The following SART3 variants were observed in gnomAD, a reference collection of about 807,000 sequenced individuals.
The protein encoded by SART3 is spliceosome associated factor 3, U4/U6 recycling protein, also known as HIV-1 Tat-interacting protein of 110kDa.
SART3 carries 44 observed loss-of-function variants against 122.3 expected under a neutral mutation model. The observed-to-expected ratio is 0.36, with a 90% CI of 0.28 to 0.46. The LOEUF (loss-of-function observed/expected upper bound fraction) is 0.46. Among genes scored for constraint, SART3 ranks in the 20% least tolerant of loss-of-function variants. The pLI, the probability that SART3 is intolerant of heterozygous loss-of-function variation, is 1.00. For missense variants in SART3, 1,101 were observed against 1,229.0 expected (o/e 0.90, Z 1.56); for synonymous variants, 442 against 454.0 (o/e 0.97, Z 0.34).
intron 1 of SART3, 36 bp downstream of exon 1, chr12:108,560,807 G>A (rs759113501): frequency 1.3e-6 from 2 of 1,557,162 alleles, no homozygotes; most frequent in Non-Finnish European, 1.7e-6. Flanking sequence ...GGACCTGAAA[G>A]ACTGGAAGAT....
intron 15 of SART3, 79 bp downstream of exon 15, chr12:108,530,063 A>G: frequency 6.6e-7 from 1 of 1,520,690 alleles, no homozygotes; most frequent in Non-Finnish European, 9.1e-7. Context: ...CGGTTCAGGG[A>G]AGAAAGTTCT....
intron 12 of SART3, among the ~76,000 whole-genome samples, chr12:108,534,965 T>TA (rs1872839454): frequency 6.6e-6 from 1 of 152,206 alleles, no homozygotes; most frequent in African/African-American, 2.4e-5. Flanking sequence ...CAAAAAAATT[T>TA]AAACATAGAA....
At chr12:108,542,402 C>A (rs1000165363) in intron 6 of SART3, among the ~76,000 whole-genome samples, 2 of 152,170 alleles carry the variant, frequency 1.3e-5, no homozygotes, top group African/African-American at 4.8e-5. Context: ...TTCCTAAGTA[C>A]GTATTCTAGA....
chr12:108,529,303 GCACACA>G (rs140994738), intron 15 of SART3, among the ~76,000 whole-genome samples: 4 of 150,832 alleles, frequency 2.7e-5, no homozygotes, highest in Non-Finnish European at 4.4e-5. Flanking sequence ...ACACGCACAC[GCACACA>G]CACACACACT....
At position 108,536,748 on chromosome 12, in the gene SART3, A is replaced by T. The variant is rs754775627; in HGVS notation, c.1347T>A (p.Phe449Leu). The T allele has an allele frequency of 6.2e-7, 1 of 1,613,916 alleles. No homozygotes were observed. Among genetic ancestry groups the T allele is most frequent in the South Asian group, 1.1e-5 (1 of 91,078 alleles). The part of the protein sequence containing the change: ...SKELEELRAA[F>L]TRALEYLKQE... ...GCTTCAGATACTCCAAGGCACGAGT[A>T]AAGGCGGCCCTCAACTCCTCCAGCT... Residue 449 changes from phenylalanine to leucine, a missense_variant, in exon 10 of 19, where the codon TTT becomes TTA. Transcript: ENST00000546815.
chr12:108,557,566 GCGCTT>G (rs1814911799), intron 1 of SART3, among the ~76,000 whole-genome samples: 1 of 152,150 alleles, frequency 6.6e-6, no homozygotes, highest in Non-Finnish European at 1.5e-5. Context: ...ACTGTGCCAG[GCGCTT>G]TACGCACATT....
At chr12:108,541,142 C>CA (rs1480917404) in intron 6 of SART3, among the ~76,000 whole-genome samples, 1 of 152,208 alleles carries the variant, frequency 6.6e-6, no homozygotes, top group African/African-American at 2.4e-5. Context: ...TGCAGTGACT[C>CA]ACGCCTGTAA....
chr12:108,547,962 T>A lies in SART3; in HGVS notation c.469A>T (p.Ile157Phe). ...TCCAGGCCATCCTGGGCCATGCTGA[T>A]CTCGTCATGCAGCCACTCCAGCCAG... ...ELWLEWLHDE[I>F]SMAQDGLDRE... The change falls in exon 3 of 19, where the codon ATC (isoleucine) becomes TTC (phenylalanine). Residue 157 changes from isoleucine to phenylalanine, a missense_variant. Ile to Phe is a conservative substitution (Grantham distance 21, BLOSUM62 0). Around this residue, in one of 2 missense-constraint regions of SART3, gnomAD observed 885 missense variants for 1,080.1 expected, o/e 0.82. Transcript: ENST00000546815. 1 of 1,613,614 alleles carries A rather than the reference T, an allele frequency of 6.2e-7. No homozygotes were observed. Among genetic ancestry groups the A allele is most frequent in the East Asian group, 2.2e-5 (1 of 44,886 alleles).
At chr12:108,549,289 T>A in intron 1 of SART3, 75 bp from the exon 2 acceptor site, 1 of 1,472,848 alleles carries the variant, frequency 6.8e-7, no homozygotes, top group Non-Finnish European at 9.4e-7. Flanking sequence ...TACTGGTAAC[T>A]ACACATATAC....
intron 1 of SART3, among the ~76,000 whole-genome samples, chr12:108,557,317 G>T (rs189503709): frequency 6.0e-5 from 9 of 149,950 alleles, no homozygotes; most frequent in Admixed American, 1.3e-4. Context: ...GGGTTCAGGC[G>T]ATTCTCCTGC....
In SART3 at chr12:108,545,273, G is replaced by C; in HGVS notation, c.595C>G (p.Gln199Glu). 6.2e-7 allele frequency: 1 copy of C among 1,614,056 alleles called. No individual in the cohort carries two copies. The highest frequency in any genetic ancestry group is 8.5e-7 in the Non-Finnish European group (1 of 1,180,018). The change falls in exon 4 of 19, where the codon CAG (glutamine) becomes GAG (glutamate). Residue 199 changes from glutamine to glutamate, a missense_variant. Physicochemically the swap from Gln to Glu is conservative, Grantham distance 29 (BLOSUM62 2). Transcript: ENST00000546815. ...CGAACTTTCTCAAGGCCACCTTTCTGACCAATCCCACCAACTGAGTACTGG... is the reference window on the plus strand; with the variant it reads ...CGAACTTTCTCAAGGCCACCTTTCTCACCAATCCCACCAACTGAGTACTGG... The part of the protein sequence containing the change: ...YGQYSVGGIG[Q>E]KGGLEKVRSV...
At chr12:108,556,493 T>C (rs2030225983) in intron 1 of SART3, among the ~76,000 whole-genome samples, 2 of 152,196 alleles carry the variant, frequency 1.3e-5, no homozygotes, top group African/African-American at 4.8e-5. Flanking sequence ...ATCTCTAAGT[T>C]TTAAATCTTA....
chr12:108,532,883 A>G (rs1021160467), intron 12 of SART3, among the ~76,000 whole-genome samples: 3 of 152,010 alleles, frequency 2.0e-5, no homozygotes, highest in African/African-American at 4.8e-5. Context: ...CCTCCTGAGT[A>G]GCTGGGATTA....
At chr12:108,555,877 A>G (rs568090259) in intron 1 of SART3, among the ~76,000 whole-genome samples, 1 of 152,318 alleles carries the variant, frequency 6.6e-6, no homozygotes, top group South Asian at 2.1e-4. Flanking sequence ...CAAGGAAAGA[A>G]AAAAAGCAGG....
chr12:108,557,907 T>C (rs1354560442), intron 1 of SART3, among the ~76,000 whole-genome samples: 3 of 152,222 alleles, frequency 2.0e-5, no homozygotes, highest in African/African-American at 7.2e-5. Flanking sequence ...CTTGCGCCTG[T>C]GATCCGAGCA....
At chr12:108,524,965 G>A (rs147522125) in intron 17 of SART3, 8 of 295,070 alleles carry the variant, frequency 2.7e-5, no homozygotes, top group African/African-American at 1.5e-4. Context: ...TGGGCAGTGG[G>A]TAGACAGTAA....
chr12:108,526,701 A>G (rs535556767), intron 15 of SART3, 148 bp from the exon 16 acceptor site: 1 of 862,064 alleles, frequency 1.2e-6, no homozygotes, highest in African/African-American at 1.7e-5. Flanking sequence ...CCACCCCGAG[A>G]AGTCTTTTGT....
intron 8 of SART3, 56 bp downstream of exon 8, chr12:108,538,005 GCTCT>G: frequency 1.2e-6 from 2 of 1,606,102 alleles, no homozygotes; most frequent in Admixed American, 1.7e-5. Context: ...CTTTGTCACC[GCTCT>G]CTGTTTTTCA....
chr12:108,546,142 A>C (rs1226567114), intron 3 of SART3, among the ~76,000 whole-genome samples: 2 of 152,198 alleles, frequency 1.3e-5, no homozygotes, highest in Non-Finnish European at 2.9e-5. Flanking sequence ...AATGCTTCTC[A>C]CAGGGGGACT....
Sources: allele counts gnomAD v4.1 joint callset (sites outside exome capture counted in the v4.1 genomes callset), GRCh38; gene constraint gnomAD v4.1.1; regional missense constraint gnomAD v4.1.1; transcripts MANE v1.5; gene names NCBI Gene and HGNC (gene_info 2026-07-23, HGNC 2026-07-21).